The following STIM2 variants were observed in gnomAD, a reference collection of about 807,000 sequenced individuals.
STIM2 encodes the protein stromal interaction molecule 2.
In STIM2, 31 loss-of-function variants were observed where a neutral mutation model predicts 85.8. The ratio of observed to expected loss-of-function variants is 0.36; its 90% confidence interval spans 0.27 to 0.49. STIM2 has a LOEUF of 0.49. Among genes scored for constraint, STIM2 ranks in the 20% least tolerant of loss-of-function variants. The pLI, the probability that STIM2 is intolerant of heterozygous loss-of-function variation, is 0.98. For synonymous variants in STIM2, 356 were observed against 331.1 expected, an observed-to-expected ratio of 1.08 and a Z score of -0.82; for missense variants, 841 against 927.6, an observed-to-expected ratio of 0.91 and a Z score of 1.21.
In STIM2 at chr4:26,957,648, A is replaced by G; in HGVS notation, c.319A>G (p.Asn107Asp). The G allele has an allele frequency of 1.3e-6, 2 of 1,582,278 alleles. No individual in the cohort carries two copies. Among genetic ancestry groups the G allele is most frequent in the Non-Finnish European group, 1.7e-6 (2 of 1,168,994 alleles). ...AGATATGAAATATAAAGATGCTACTAATAAACACAGCCATCTGCACAGAGA... is the reference window on the plus strand; with the variant it reads ...AGATATGAAATATAAAGATGCTACTGATAAACACAGCCATCTGCACAGAGA... Residue 107 changes from asparagine to aspartate, a missense_variant, in exon 3 of 12, where the codon AAT becomes GAT. By Grantham distance (23) the Asn-to-Asp change is conservative (BLOSUM62 1). Coordinates refer to ENST00000467087, the MANE Select transcript of STIM2 (RefSeq NM_020860.4).
chr4:26,922,815 G>A (rs910572158), intron 2 of STIM2, among the ~76,000 whole-genome samples: 7 of 152,264 alleles, frequency 4.6e-5, no homozygotes, highest in Non-Finnish European at 1.0e-4. Flanking sequence ...ATAAACTCAG[G>A]TTGGTGGATG....
At chr4:26,988,455 A>G (rs1727657683) in intron 3 of STIM2, among the ~76,000 whole-genome samples, 1 of 152,188 alleles carries the variant, frequency 6.6e-6, no homozygotes, top group East Asian at 1.9e-4. Context: ...GCCTGGGGGA[A>G]CATTGTACAG....
intron 1 of STIM2, among the ~76,000 whole-genome samples, chr4:26,900,458 G>A (rs566770917): frequency 2.4e-3 from 371 of 152,066 alleles, no homozygotes; most frequent in Non-Finnish European, 4.2e-3. Flanking sequence ...TTTTTTTCCC[G>A]CTCAGAATCT....
At chr4:26,870,381 AT>A in intron 1 of STIM2, among the ~76,000 whole-genome samples, 1 of 152,010 alleles carries the variant, frequency 6.6e-6, no homozygotes, top group Non-Finnish European at 1.5e-5. Context: ...ATGTATGCAT[AT>A]ATCAGATCAA....
At position 26,965,547 on chromosome 4, in the gene STIM2, CT is replaced by C. The variant is rs548325006; in HGVS notation, c.397+7823del. On this transcript the variant is annotated intron_variant, in intron 3 of 11. Coordinates refer to ENST00000467087, the MANE Select transcript of STIM2 (RefSeq NM_020860.4). The stretch of plus-strand genomic sequence containing the variant: ...GTTGCTGATTGCTCTTAATCATGAT[CT>C]TATGTTAGCATTTTAGTGTCTCTAT... 4.7e-3 allele frequency among the ~76,000 whole-genome samples: 720 copies of C among 152,164 alleles called. 8 individuals are homozygous for C. The highest frequency in any genetic ancestry group is 0.017 in the African/African-American group (699 of 41,562).
chr4:27,004,406 G>GTCA (rs1438591117), intron 7 of STIM2, among the ~76,000 whole-genome samples: 5 of 152,038 alleles, frequency 3.3e-5, no homozygotes, highest in African/African-American at 9.7e-5. Flanking sequence ...CGAGAAGTGG[G>GTCA]TACTATGCCC....
At chr4:26,996,632 A>G (rs1162450609) in intron 4 of STIM2, among the ~76,000 whole-genome samples, 1 of 152,154 alleles carries the variant, frequency 6.6e-6, no homozygotes. Flanking sequence ...AGTCAATTTG[A>G]TAAGTACTTA....
chr4:26,940,885 G>A (rs1408319391), intron 2 of STIM2, among the ~76,000 whole-genome samples: 3 of 152,146 alleles, frequency 2.0e-5, no homozygotes, highest in Non-Finnish European at 2.9e-5. Flanking sequence ...CTCAGAGTTT[G>A]TGATTCTGTA....
At chr4:26,946,358 T>G (rs999572518) in intron 2 of STIM2, among the ~76,000 whole-genome samples, 86 of 152,234 alleles carry the variant, frequency 5.6e-4, no homozygotes, top group Non-Finnish European at 1.9e-4. Flanking sequence ...TTAACAGAAC[T>G]TATTGGAACC....
intron 3 of STIM2, among the ~76,000 whole-genome samples, chr4:26,974,163 A>G (rs1727089134): frequency 6.6e-6 from 1 of 152,206 alleles, no homozygotes; most frequent in Non-Finnish European, 1.5e-5. Flanking sequence ...AATACAGCAC[A>G]CTGATGGGTC....
chr4:26,963,743 A>G lies in STIM2; in HGVS notation c.397+6017A>G, dbSNP rs141412039. 5.2e-3 allele frequency among the ~76,000 whole-genome samples: 790 copies of G among 152,332 alleles called. 8 individuals are homozygous for G. Among genetic ancestry groups the G allele is most frequent in the African/African-American group, 0.018 (767 of 41,584 alleles). On this transcript the variant is annotated intron_variant, in intron 3 of 11. Coordinates refer to ENST00000467087, the MANE Select transcript of STIM2 (RefSeq NM_020860.4). The stretch of plus-strand genomic sequence containing the variant: ...TCTTCATTAGGGAGATGGCTCTTCA[A>G]CAAGACTTTGAAAGATAAAATTTTC...
intron 1 of STIM2, among the ~76,000 whole-genome samples, chr4:26,907,195 A>G (rs1241712112): frequency 1.3e-5 from 2 of 152,182 alleles, no homozygotes; most frequent in African/African-American, 4.8e-5. Context: ...TATTTTCAGT[A>G]AAACTTGGTG....
chr4:27,008,552 A>G, intron 9 of STIM2, 24 bp downstream of exon 9: 2 of 1,502,218 alleles, frequency 1.3e-6, no homozygotes, highest in Non-Finnish European at 1.8e-6. Context: ...TTTCACTTTT[A>G]TTTGATTTAT....
chr4:27,002,004 T>C (rs931806377), intron 5 of STIM2, among the ~76,000 whole-genome samples: 1 of 152,224 alleles, frequency 6.6e-6, no homozygotes, highest in Non-Finnish European at 1.5e-5. Flanking sequence ...TATATGGGTT[T>C]ACCTCTGCCC....
chr4:26,918,022 A>G (rs1005866340), intron 1 of STIM2, among the ~76,000 whole-genome samples: 4 of 152,130 alleles, frequency 2.6e-5, no homozygotes, highest in African/African-American at 9.7e-5. Flanking sequence ...CTGGCGTTCC[A>G]AATATTTGTA....
In STIM2 at chr4:27,023,309, C is replaced by A; in HGVS notation, c.*313C>A. On this transcript the variant is annotated 3_prime_UTR_variant, in exon 12 of 12. Transcript: ENST00000467087. ...ATATGCAACATTTTGTTGAAAGCCA[C>A]GATGGACTTACAAGCTTTAATGGAC... 3.6e-6 allele frequency: 1 copy of A among 274,002 alleles called. No individual in the cohort carries two copies. Among genetic ancestry groups the A allele is most frequent in the Non-Finnish European group, 7.0e-6 (1 of 142,388 alleles). 17.0% of individuals were successfully genotyped at this position (274,002 alleles called of 1,614,324 possible).
chr4:26,944,477 C>T (rs1228009330), intron 2 of STIM2, among the ~76,000 whole-genome samples: 2 of 152,054 alleles, frequency 1.3e-5, no homozygotes, highest in Non-Finnish European at 2.9e-5. Flanking sequence ...TCTATTCCCA[C>T]CATTGGTCCA....
chr4:26,862,262 T>C (rs1458284341), intron 1 of STIM2, among the ~76,000 whole-genome samples: 3 of 152,124 alleles, frequency 2.0e-5, no homozygotes, highest in Non-Finnish European at 4.4e-5. Flanking sequence ...GTAAAAGTTA[T>C]TATATAAGGA....
chr4:26,907,581 T>G (rs1458908011), intron 1 of STIM2, among the ~76,000 whole-genome samples: 1 of 152,234 alleles, frequency 6.6e-6, no homozygotes, highest in African/African-American at 2.4e-5. Context: ...TTTGATGTTT[T>G]AATTATCAAT....
Sources: allele counts gnomAD v4.1 joint callset (sites outside exome capture counted in the v4.1 genomes callset), GRCh38; gene constraint gnomAD v4.1.1; transcripts MANE v1.5; gene names NCBI Gene and HGNC (gene_info 2026-07-23, HGNC 2026-07-21).